The following SEC14L4 variants were observed in gnomAD, a reference collection of about 807,000 sequenced individuals.
SEC14L4 encodes SEC14 like lipid binding 4, also known as SEC14-like protein 4.
SEC14L4 carries 42 observed loss-of-function variants against 55.1 expected under a neutral mutation model. The observed-to-expected ratio is 0.76, with a 90% CI of 0.60 to 0.99. SEC14L4 has a LOEUF of 0.99. Among genes scored for constraint, SEC14L4 ranks in the 50% least tolerant of loss-of-function variants. SEC14L4 has a pLI of 0.00. For synonymous variants in SEC14L4, 206 were observed against 206.8 expected (o/e 1.00, Z 0.03); for missense variants, 445 against 512.1 (o/e 0.87, Z 1.27).
At chr22:30,493,735 G>A (rs1294939411) in intron 7 of SEC14L4, among the ~76,000 whole-genome samples, 1 of 152,204 alleles carries the variant, frequency 6.6e-6, no homozygotes, top group Non-Finnish European at 1.5e-5. Context: ...CGGGTGCGGT[G>A]GCTCACATCT....
At chr22:30,501,846 C>CATATATATATATATATATAT (rs3067218) in intron 2 of SEC14L4, among the ~76,000 whole-genome samples, 125 of 111,866 alleles carry the variant, frequency 1.1e-3, no homozygotes, top group Non-Finnish European at 1.3e-3. Flanking sequence ...CACACACGCA[C>CATATATATATATATATATAT]ATATATATAT....
intron 2 of SEC14L4, 94 bp downstream of exon 2, chr22:30,503,583 C>G (rs1033799249): frequency 1.1e-6 from 1 of 887,218 alleles, no homozygotes; most frequent in Non-Finnish European, 1.8e-6. Context: ...CTTTACTACC[C>G]TACAGCTCCA....
At chr22:30,499,972 C>T (rs1483729416) in intron 2 of SEC14L4, among the ~76,000 whole-genome samples, 2 of 151,498 alleles carry the variant, frequency 1.3e-5, no homozygotes. Context: ...TGGGTTCAAG[C>T]GATTCTCCTG....
At chr22:30,505,497 T>G in intron 1 of SEC14L4, 61 bp downstream of exon 1, 1 of 1,487,330 alleles carries the variant, frequency 6.7e-7, no homozygotes, top group Non-Finnish European at 9.2e-7. Context: ...CCAGCCGGGT[T>G]GGGCAGTGCC....
intron 2 of SEC14L4, among the ~76,000 whole-genome samples, chr22:30,500,121 C>T (rs1165536235): frequency 6.6e-6 from 1 of 152,084 alleles, no homozygotes; most frequent in East Asian, 1.9e-4. Flanking sequence ...CCGCCCACCT[C>T]GGCCTCCCAA....
chr22:30,505,679 C>T lies in SEC14L4; in HGVS notation c.-68G>A, dbSNP rs1428370198. On this transcript the variant is annotated 5_prime_UTR_variant, in exon 1 of 12. Transcript: ENST00000255858. ...GCCCGCCGCCGCCTGGCCTTGTATC[C>T]GCTGCCGCCTGGTTGTGCCTCCTGG... 1 of 1,439,694 alleles carries T rather than the reference C, an allele frequency of 6.9e-7. No individual in the cohort carries two copies. Among genetic ancestry groups the T allele is most frequent in the South Asian group, 1.3e-5 (1 of 76,336 alleles). 89.2% of individuals were successfully genotyped at this position (1,439,694 alleles called of 1,614,324 possible).
chr22:30,491,373 T>A, intron 11 of SEC14L4, 200 bp downstream of exon 11: 1 of 635,302 alleles, frequency 1.6e-6, no homozygotes, highest in Non-Finnish European at 2.7e-6. Context: ...GGCCCTAGGT[T>A]CTGAATACCA....
intron 2 of SEC14L4, among the ~76,000 whole-genome samples, chr22:30,497,121 T>C (rs1936175427): frequency 6.6e-6 from 1 of 152,082 alleles, no homozygotes; most frequent in Non-Finnish European, 1.5e-5. Flanking sequence ...GGCAGATCAC[T>C]TGAGGTCAGG....
intron 7 of SEC14L4, among the ~76,000 whole-genome samples, chr22:30,493,079 A>G (rs1296259582): frequency 1.7e-5 from 2 of 121,050 alleles, no homozygotes; most frequent in Non-Finnish European, 3.4e-5. Context: ...GTGAGATTCC[A>G]TCTCAAAAAA....
At chr22:30,499,692 T>C (rs550016669) in intron 2 of SEC14L4, among the ~76,000 whole-genome samples, 1 of 151,088 alleles carries the variant, frequency 6.6e-6, no homozygotes, top group African/African-American at 2.4e-5. Flanking sequence ...TGAGCCAAAC[T>C]TGTACCACTG....
rs759276473 is a variant in SEC14L4 at position 30,491,882 on chromosome 22, G to A, written c.863C>T (p.Ser288Phe). The A allele has an allele frequency of 6.2e-7, 1 of 1,613,112 alleles. No homozygotes were observed. The highest frequency in any genetic ancestry group is 2.2e-5 in the East Asian group (1 of 44,878). The part of the protein sequence containing the change: ...YEHTRSVGRG[S>F]SLQVENEILF... ...GATCTCGTTCTCCACCTGCAGGGAG[G>A]AGCCGCGGCCCACGGACCTCGTGTG... The change falls in exon 10 of 12, where the codon TCC (serine) becomes TTC (phenylalanine). Residue 288 changes from serine (S) to phenylalanine (F), a missense_variant. Ser to Phe is a radical substitution (Grantham distance 155). Transcript: ENST00000255858.
intron 2 of SEC14L4, among the ~76,000 whole-genome samples, chr22:30,501,180 G>T (rs1259163822): frequency 6.6e-6 from 1 of 152,174 alleles, no homozygotes; most frequent in African/African-American, 2.4e-5. Flanking sequence ...CTTTGCCTGG[G>T]TCTTGGGTTA....
intron 3 of SEC14L4, 85 bp downstream of exon 3, chr22:30,495,843 C>G: frequency 6.3e-7 from 1 of 1,590,924 alleles, no homozygotes; most frequent in Non-Finnish European, 8.6e-7. Flanking sequence ...GAGAATGGGA[C>G]AGGGCCAGAG....
chr22:30,500,754 ATTTTTTTTTTT>A (rs531954470), intron 2 of SEC14L4, among the ~76,000 whole-genome samples: 4,269 of 79,616 alleles, frequency 0.054, 162 homozygotes, highest in Middle Eastern at 0.16. Context: ...TGAGAACAGA[ATTTTTTTTTTT>A]TTTTTTTTTT....
chr22:30,489,966 G>A lies in SEC14L4; in HGVS notation c.*141C>T, dbSNP rs1935896545. 1 of 1,553,094 alleles carries A rather than the reference G, an allele frequency of 6.4e-7. No individual in the cohort carries two copies. The highest frequency in any genetic ancestry group is 8.7e-7 in the Non-Finnish European group (1 of 1,147,596). On this transcript the variant is annotated 3_prime_UTR_variant, in exon 12 of 12. Coordinates refer to ENST00000255858, the MANE Select transcript of SEC14L4 (RefSeq NM_174977.4). ...TTCCTGCTTGGCCACTGTGCCAGGTGAGCCTACAATGAGATGAAATGGTGA... is the reference window on the plus strand; with the variant it reads ...TTCCTGCTTGGCCACTGTGCCAGGTAAGCCTACAATGAGATGAAATGGTGA...
At chr22:30,492,635 C>A in intron 7 of SEC14L4, 78 bp from the exon 8 acceptor site, 1 of 1,142,580 alleles carries the variant, frequency 8.8e-7, no homozygotes, top group Non-Finnish European at 1.3e-6. Flanking sequence ...AGAGCAGGTG[C>A]TGGACAGGAG....
At chr22:30,497,847 A>C (rs188484138) in intron 2 of SEC14L4, among the ~76,000 whole-genome samples, 1 of 152,312 alleles carries the variant, frequency 6.6e-6, no homozygotes, top group African/African-American at 2.4e-5. Context: ...GATGATGGAA[A>C]TGTCCTATAC....
chr22:30,498,059 G>C, intron 2 of SEC14L4, among the ~76,000 whole-genome samples: 1 of 151,602 alleles, frequency 6.6e-6, no homozygotes, highest in Admixed American at 6.6e-5. Context: ...GTGTGTTCTA[G>C]GTTAAACTCC....
At chr22:30,490,957 G>A (rs1172833882) in intron 11 of SEC14L4, among the ~76,000 whole-genome samples, 2 of 152,194 alleles carry the variant, frequency 1.3e-5, no homozygotes, top group Non-Finnish European at 2.9e-5. Context: ...GGTGTGATGA[G>A]TCGTGCAGAC....
Sources: gnomAD v4.1 joint callset for allele counts (sites outside exome capture counted in the v4.1 genomes callset) on GRCh38, gnomAD v4.1.1 for gene constraint, MANE v1.5 for transcripts, NCBI Gene and HGNC (gene_info 2026-07-23, HGNC 2026-07-21) for gene names.